Variants in NAA15 observed in about 807,000 individuals in gnomAD.
NAA15 encodes N-alpha-acetyltransferase 15, NatA auxiliary subunit.
In NAA15, 34 loss-of-function variants were observed where a neutral mutation model predicts 114.0. That is an observed-to-expected ratio of 0.30 (90% CI 0.23 to 0.40). The LOEUF (loss-of-function observed/expected upper bound fraction) is 0.40, where lower values mean the gene tolerates loss of function less well. Ranked by LOEUF, NAA15 falls within the 10% of genes least tolerant of loss-of-function variation. NAA15 has a pLI of 1.00. For missense variants in NAA15, 658 were observed against 1,004.5 expected (o/e 0.66, Z 4.66); for synonymous variants, 340 against 338.0 (o/e 1.01, Z -0.06).
At chr4:139,347,891 G>A (rs1284923555) in intron 6 of NAA15, among the ~76,000 whole-genome samples, 1 of 151,506 alleles carries the variant, frequency 6.6e-6, no homozygotes, top group Admixed American at 6.6e-5. Flanking sequence ...AATTAGCCGG[G>A]CGCGGTGGCG....
In NAA15 at chr4:139,361,952, G is replaced by GCACAAGAAGAACTCTGAA; in HGVS notation, c.1753+15_1753+16insCACAAGAAGAACTCTGAA. The GCACAAGAAGAACTCTGAA allele has an allele frequency of 6.4e-7, 1 of 1,567,700 alleles. No individual in the cohort carries two copies. Among genetic ancestry groups the GCACAAGAAGAACTCTGAA allele is most frequent in the African/African-American group, 1.4e-5 (1 of 73,874 alleles). On this transcript the variant is annotated intron_variant, in intron 14 of 19. Coordinates refer to ENST00000296543, the MANE Select transcript of NAA15 (RefSeq NM_057175.5). ...AGCTGATACAGGTATAATATTCAGA[G>GCACAAGAAGAACTCTGAA]TTCTTCTTGTGCTCTGATGTGTTTA...
intron 14 of NAA15, among the ~76,000 whole-genome samples, chr4:139,368,841 A>C (rs1748354894): frequency 6.6e-6 from 1 of 152,218 alleles, no homozygotes; most frequent in Admixed American, 6.5e-5. Context: ...GATGTTATCC[A>C]AATAAATACT....
chr4:139,315,040 G>GTTTC (rs1560952973), intron 1 of NAA15, among the ~76,000 whole-genome samples: 1 of 84,186 alleles, frequency 1.2e-5, no homozygotes, highest in African/African-American at 5.8e-5. Flanking sequence ...GGTTAGGTTA[G>GTTTC]GTTAGGTTAG....
At chr4:139,357,925 G>A (rs1031460690) in intron 11 of NAA15, among the ~76,000 whole-genome samples, 1 of 152,152 alleles carries the variant, frequency 6.6e-6, no homozygotes, top group African/African-American at 2.4e-5. Flanking sequence ...ATCTGGCAAT[G>A]TTATTGAGAT....
rs1279223649 is a variant in NAA15, at chr4:139,375,468, C to CTTTTT, written c.1948-894_1948-890dup. Among the ~76,000 whole-genome samples, 9 of 148,758 alleles carry CTTTTT rather than the reference C, an allele frequency of 6.1e-5. 1 individual carries two copies. Among genetic ancestry groups the CTTTTT allele is most frequent in the Non-Finnish European group, 1.1e-4 (7 of 66,238 alleles). ...CTTTTCTTTTCTTTTCTTTTCTTTT[C>CTTTTT]TTTTTTTAAATGCAGTGAAACAATT... On this transcript the variant is annotated intron_variant, in intron 15 of 19. Transcript: ENST00000296543.
intron 15 of NAA15, among the ~76,000 whole-genome samples, chr4:139,374,468 G>A (rs1014432714): frequency 6.6e-6 from 1 of 152,142 alleles, no homozygotes; most frequent in South Asian, 2.1e-4. Context: ...GCTTATCTTG[G>A]TGTGAACATC....
intron 1 of NAA15, among the ~76,000 whole-genome samples, chr4:139,321,427 G>A (rs929434369): frequency 2.7e-5 from 4 of 150,396 alleles, no homozygotes; most frequent in African/African-American, 7.3e-5. Context: ...GACTCCAGAA[G>A]CACTGGGATT....
intron 4 of NAA15, among the ~76,000 whole-genome samples, chr4:139,341,333 C>T (rs571501833): frequency 2.6e-5 from 4 of 151,864 alleles, no homozygotes; most frequent in South Asian, 2.1e-4. Context: ...CGGTGGCTCA[C>T]GCCTGTAGTC....
chr4:139,374,351 G>A (rs1350016472), intron 15 of NAA15, among the ~76,000 whole-genome samples: 1 of 152,108 alleles, frequency 6.6e-6, no homozygotes, highest in Non-Finnish European at 1.5e-5. Context: ...AGAATAATAT[G>A]CATAATGATG....
At chr4:139,352,408 C>G (rs968876533) in intron 9 of NAA15, among the ~76,000 whole-genome samples, 2 of 151,892 alleles carry the variant, frequency 1.3e-5, no homozygotes, top group Non-Finnish European at 2.9e-5. Context: ...CGTGCCTGGC[C>G]AAGGGTATTT....
chr4:139,388,157 G>A lies in NAA15; in HGVS notation c.*73G>A, dbSNP rs752214328. ...ATAATATTTTTGTCACGCACCTGCT[G>A]CATTGCTCTAACTTACACAGAATGA... is the stretch of plus-strand genomic sequence containing the variant. On this transcript the variant is annotated 3_prime_UTR_variant, in exon 20 of 20. Transcript: ENST00000296543. The A allele has an allele frequency of 2.4e-6, 3 of 1,268,212 alleles. No homozygotes were observed. The highest frequency in any genetic ancestry group is 2.4e-5 in the East Asian group (1 of 41,290). The allele number at this position is 1,268,212 out of a possible 1,614,324, so 78.6% of individuals were successfully genotyped here.
Position 139,336,833 on chromosome 4 carries a change from T to C in NAA15, c.140-15T>C, listed in dbSNP as rs1274013566. 3.4e-6 allele frequency: 5 copies of C among 1,454,224 alleles called. No homozygotes were observed. In the South Asian group the frequency reaches 7.4e-5, roughly 22 times the overall value. The allele number at this position is 1,454,224 out of a possible 1,614,324, so 90.1% of individuals were successfully genotyped here. ...TTTTTAAAATGTTCCTTTTCTTCTTTGTTTTTGAAAATAGAAACCTTGGCT... is the reference window on the plus strand; with the variant it reads ...TTTTTAAAATGTTCCTTTTCTTCTTCGTTTTTGAAAATAGAAACCTTGGCT... On this transcript the variant is annotated splice_polypyrimidine_tract_variant and intron_variant, in intron 2 of 19. Coordinates refer to ENST00000296543, the MANE Select transcript of NAA15 (RefSeq NM_057175.5).
intron 17 of NAA15, 94 bp downstream of exon 17, chr4:139,378,948 T>C (rs1748665632): frequency 1.3e-6 from 1 of 764,910 alleles, no homozygotes; most frequent in African/African-American, 1.9e-5. Flanking sequence ...AACCAAATGA[T>C]TTTAAAGCTG....
At chr4:139,340,831 G>A in intron 3 of NAA15, 81 bp from the exon 4 acceptor site, 6 of 1,097,948 alleles carry the variant, frequency 5.5e-6, no homozygotes, top group Non-Finnish European at 7.5e-6. Context: ...ATAAATGGCT[G>A]TGGTTCTCCA....
At chr4:139,335,539 T>C (rs535335989) in intron 2 of NAA15, among the ~76,000 whole-genome samples, 2 of 151,940 alleles carry the variant, frequency 1.3e-5, no homozygotes, top group African/African-American at 4.8e-5. Context: ...CTAATTTTTG[T>C]ATTTTTAGTA....
intron 16 of NAA15, among the ~76,000 whole-genome samples, chr4:139,378,406 A>G (rs1748650272): frequency 6.6e-6 from 1 of 152,230 alleles, no homozygotes; most frequent in African/African-American, 2.4e-5. Context: ...AATACCTTCA[A>G]ATATACACAA....
At chr4:139,387,856 T>G (rs768169800) in intron 19 of NAA15, 28 bp from the exon 20 acceptor site, 1 of 1,590,332 alleles carries the variant, frequency 6.3e-7, no homozygotes, top group Non-Finnish European at 8.6e-7. Context: ...TTTGACCAGT[T>G]ACAACATGAC....
chr4:139,349,668 A>G lies in NAA15; in HGVS notation c.811+87A>G, dbSNP rs1747716878. 1.8e-5 allele frequency: 24 copies of G among 1,331,336 alleles called. No individual in the cohort carries two copies. The East Asian group carries it at 6.1e-4, about 34-fold the overall frequency. 82.5% of individuals were successfully genotyped at this position (1,331,336 alleles called of 1,614,324 possible). ...CTCATTGAAAAGCACAACTAGAATA[A>G]TAGTGGTTAAGAATTGGTTCGAAAT... is the stretch of plus-strand genomic sequence containing the variant. On this transcript the variant is annotated intron_variant, in intron 7 of 19. Coordinates refer to ENST00000296543, the MANE Select transcript of NAA15 (RefSeq NM_057175.5).
At chr4:139,359,612 A>T in intron 11 of NAA15, 131 bp from the exon 12 acceptor site, 1 of 763,612 alleles carries the variant, frequency 1.3e-6, no homozygotes. Flanking sequence ...CTTTATATTG[A>T]TTAGCATCTA....
Sources: allele counts gnomAD v4.1 joint callset (sites outside exome capture counted in the v4.1 genomes callset), GRCh38; gene constraint gnomAD v4.1.1; transcripts MANE v1.5; gene names NCBI Gene and HGNC (gene_info 2026-07-23, HGNC 2026-07-21).